OVCH2: variants seen among roughly 807,000 people sequenced by gnomAD.
OVCH2 encodes ovochymase-2.
OVCH2 carries 88 observed loss-of-function variants against 73.7 expected under a neutral mutation model. The observed-to-expected ratio is 1.19, with a 90% CI of 1.01 to 1.43. The LOEUF is 1.43. Ranked by LOEUF, OVCH2 falls within the 40% of genes most tolerant of loss-of-function variation. The probability of loss-of-function intolerance (pLI) is 0.00; values close to 1 mark genes in which losing one functional copy is unlikely to be tolerated. For missense variants in OVCH2, 706 were observed against 674.5 expected (o/e 1.05, Z -0.52); for synonymous variants, 265 against 234.5 (o/e 1.13, Z -1.19).
rs73400743 is a variant in OVCH2 at position 7,698,791 on chromosome 11, G to A, written c.902-18C>T. 13,588 of 1,612,078 alleles carry A rather than the reference G, an allele frequency of 8.4e-3. 933 individuals are homozygous for A. In the African/African-American group the frequency reaches 0.16, roughly 18 times the overall value. Reference sequence around the variant, plus strand: ...CCGATTACCTGGGAAAGGAAAAGAAGGATGCAATTGAAAGCCTGTGGTATC... The same window carrying A: ...CCGATTACCTGGGAAAGGAAAAGAAAGATGCAATTGAAAGCCTGTGGTATC... On this transcript the variant is annotated intron_variant, in intron 7 of 15. Transcript: ENST00000533663.
Position 7,695,719 on chromosome 11 carries a change from T to C in OVCH2, c.1142-9A>G. On this transcript the variant is annotated splice_polypyrimidine_tract_variant and intron_variant, in intron 10 of 15. Coordinates refer to ENST00000533663, the MANE Select transcript of OVCH2 (RefSeq NM_198185.7). ...TTCTCCACAAAATTTTCCTGCAGGA[T>C]GAGAAAAAAGGATTCTTTGTTCAGA... 6.3e-7 allele frequency: 1 copy of C among 1,589,740 alleles called. No individual in the cohort carries two copies. The highest frequency in any genetic ancestry group is 8.5e-7 in the Non-Finnish European group (1 of 1,174,144).
intron 12 of OVCH2, 134 bp downstream of exon 12, chr11:7,694,924 T>C (rs1856298153): frequency 3.0e-6 from 3 of 992,856 alleles, no homozygotes; most frequent in Non-Finnish European, 1.4e-6. Context: ...GACAGCTTTG[T>C]GTGTCAGGTG....
intron 8 of OVCH2, among the ~76,000 whole-genome samples, chr11:7,697,352 T>C (rs1014364201): frequency 1.2e-4 from 19 of 152,226 alleles, no homozygotes; most frequent in Admixed American, 6.5e-5. Context: ...TACTCTTCTT[T>C]TGCTGACCTC....
In OVCH2 at chr11:7,695,067, G is replaced by A; in HGVS notation, c.1404C>T (p.His468=). 1 of 1,549,964 alleles carries A rather than the reference G, an allele frequency of 6.5e-7. No individual in the cohort carries two copies. Among genetic ancestry groups the A allele is most frequent in the East Asian group, 2.4e-5 (1 of 40,904 alleles). ...CAGCCAAAGTCAATACCTTAATTAG[G>A]TGATGTTTGGAGGCTTGAAAAATCC... ...CDWIFQASKH[H]LIKLSFQSLE... Residue 468 remains histidine, a synonymous_variant, in exon 12 of 16, where the codon CAC becomes CAT. Transcript: ENST00000533663.
chr11:7,706,388 T>C lies in OVCH2; in HGVS notation c.7A>G (p.Ile3Val). Reference protein sequence around the residue: MLISRNKLILLLG... With the variant: MLVSRNKLILLLG... ...AGTAAAATCAGCTTGTTCCTGCTTA[T>C]AAGCATTTTGAGACTCATAGTTTTT... Residue 3 changes from isoleucine (I) to valine (V), a missense_variant, in exon 1 of 16, where the codon ATA (isoleucine) becomes GTA (valine). Ile to Val is a conservative substitution (Grantham distance 29). Coordinates refer to ENST00000533663, the MANE Select transcript of OVCH2 (RefSeq NM_198185.7). 3.8e-6 allele frequency: 6 copies of C among 1,571,912 alleles called. No homozygotes were observed. The highest frequency in any genetic ancestry group is 5.2e-6 in the Non-Finnish European group (6 of 1,156,536).
At position 7,698,768 on chromosome 11, in the gene OVCH2, G is replaced by A. The variant is rs759301822; in HGVS notation, c.907C>T (p.Arg303Trp). The A allele has an allele frequency of 2.7e-5, 43 of 1,612,518 alleles. No individual in the cohort carries two copies. The Middle Eastern group carries it at 1.2e-3, about 43-fold the overall frequency. ...WIHEHIQTGN[R>W]RKSSRAWCSE... The stretch of plus-strand genomic sequence containing the variant: ...TACCCACCTCTGGAGCTCTTTCTCC[G>A]ATTACCTGGGAAAGGAAAAGAAGGA... The change falls in exon 8 of 16, where the codon CGG (arginine) becomes TGG (tryptophan). Residue 303 changes from arginine (R) to tryptophan (W), a missense_variant. By Grantham distance (101) the Arg-to-Trp change is moderately radical. Transcript: ENST00000533663.
chr11:7,683,669 A>G, the OVCH2 span, among the ~76,000 whole-genome samples: 1 of 152,154 alleles, frequency 6.6e-6, no homozygotes, highest in Non-Finnish European at 1.5e-5. Context: ...ATCCTACACA[A>G]GCTGTCCTCC....
the OVCH2 span, among the ~76,000 whole-genome samples, chr11:7,681,512 A>G: frequency 2.0e-5 from 3 of 152,216 alleles, no homozygotes; most frequent in African/African-American, 7.2e-5. Context: ...GTGGTTGGGA[A>G]GAGTCAACAG....
At chr11:7,695,472 C>A (rs1856311797) in intron 11 of OVCH2, 98 bp downstream of exon 11, 2 of 1,234,132 alleles carry the variant, frequency 1.6e-6, no homozygotes, top group Non-Finnish European at 2.3e-6. Context: ...GTCAGTTGGG[C>A]CTTGGGAGAG....
At chr11:7,693,630 A>G (rs1856263142) in intron 12 of OVCH2, among the ~76,000 whole-genome samples, 1 of 152,298 alleles carries the variant, frequency 6.6e-6, no homozygotes, top group South Asian at 2.1e-4. Flanking sequence ...TTTATCCTCC[A>G]CCACTAACAA....
At chr11:7,698,642 C>T (rs1856378768) in intron 8 of OVCH2, 108 bp downstream of exon 8, 2 of 1,191,538 alleles carry the variant, frequency 1.7e-6, no homozygotes, top group Non-Finnish European at 1.2e-6. Context: ...AGTTTTAGAC[C>T]TACTGAGCAG....
chr11:7,698,271 G>T (rs61888827), intron 8 of OVCH2, among the ~76,000 whole-genome samples: 1 of 152,052 alleles, frequency 6.6e-6, no homozygotes, highest in Admixed American at 6.5e-5. Flanking sequence ...CGGGTTCAAA[G>T]AACAACTAAA....
At chr11:7,689,379 A>G, downstream of OVCH2, 1 of 255,266 alleles carries the variant, frequency 3.9e-6, no homozygotes, top group South Asian at 4.7e-5. Context: ...CAATTGTGTA[A>G]GCCAATTCTG....
chr11:7,703,322 CTTTGT>C (rs1856477754), intron 3 of OVCH2, among the ~76,000 whole-genome samples: 1 of 152,130 alleles, frequency 6.6e-6, no homozygotes, highest in Non-Finnish European at 1.5e-5. Context: ...ACTGGTCTCC[CTTTGT>C]TTTCTTTTAT....
chr11:7,687,587 G>A (rs1856156673), downstream of OVCH2, among the ~76,000 whole-genome samples: 5 of 152,034 alleles, frequency 3.3e-5, no homozygotes, highest in South Asian at 8.3e-4. Context: ...CAATCAGACT[G>A]TGGAATTCTG....
chr11:7,692,163 A>AT (rs2136151393), intron 12 of OVCH2, among the ~76,000 whole-genome samples, 168 bp from the exon 13 acceptor site: 1 of 152,358 alleles, frequency 6.6e-6, no homozygotes, highest in African/African-American at 2.4e-5. Flanking sequence ...AGGATTCTAT[A>AT]TCACAGGCTC....
chr11:7,700,603 T>C, intron 6 of OVCH2, 118 bp from the exon 7 acceptor site: 1 of 1,162,426 alleles, frequency 8.6e-7, no homozygotes, highest in Non-Finnish European at 1.2e-6. Flanking sequence ...CTTCTAATAA[T>C]TTAGACTCAG....
the OVCH2 span, among the ~76,000 whole-genome samples, chr11:7,681,853 C>CA: frequency 0.24 from 22,435 of 92,580 alleles, 2,248 homozygotes; most frequent in East Asian, 0.34. Context: ...GGGAAATGTC[C>CA]AAAAAAAAAA....
intron 8 of OVCH2, among the ~76,000 whole-genome samples, chr11:7,697,578 A>G (rs1856361037): frequency 6.6e-6 from 1 of 152,032 alleles, no homozygotes; most frequent in Admixed American, 6.5e-5. Flanking sequence ...GGTCAGCAAA[A>G]CTGCACCCAC....
Sources: gnomAD v4.1 joint callset for allele counts (sites outside exome capture counted in the v4.1 genomes callset) on GRCh38, gnomAD v4.1.1 for gene constraint, MANE v1.5 for transcripts, NCBI Gene and HGNC (gene_info 2026-07-23, HGNC 2026-07-21) for gene names.